Variants in CENPL observed in about 807,000 individuals in gnomAD.
CENPL encodes the protein centromere protein L.
Under a neutral mutation model 35.2 loss-of-function variants are expected in CENPL, and 20 were observed. That is an observed-to-expected ratio of 0.57 (90% confidence interval 0.40 to 0.83). The LOEUF (loss-of-function observed/expected upper bound fraction) is 0.83. Ranked by LOEUF, CENPL falls within the 40% of genes least tolerant of loss-of-function variation. The probability of loss-of-function intolerance (pLI) is 0.00; values close to 1 mark genes in which losing one functional copy is unlikely to be tolerated. For synonymous variants in CENPL, 140 were observed against 140.6 expected, an observed-to-expected ratio of 1.00 and a Z score of 0.03; for missense variants, 363 against 395.8, an observed-to-expected ratio of 0.92 and a Z score of 0.70.
At chr1:173,820,618 A>G (rs915362058) in intron 2 of CENPL, among the ~76,000 whole-genome samples, 3 of 152,212 alleles carry the variant, frequency 2.0e-5, no homozygotes, top group Admixed American at 6.5e-5. Flanking sequence ...TTATTTATTT[A>G]TTTTTAGAAA....
chr1:173,806,443 G>A (rs1001312942), intron 4 of CENPL: 2 of 446,960 alleles, frequency 4.5e-6, no homozygotes, highest in African/African-American at 2.0e-5. Flanking sequence ...ATTTACCCGA[G>A]TGTGGTGGCA....
chr1:173,800,425 T>C lies in CENPL; in HGVS notation c.*23A>G, dbSNP rs1167548073. 2.0e-6 allele frequency: 2 copies of C among 990,710 alleles called. No homozygotes were observed. The highest frequency in any genetic ancestry group is 3.2e-6 in the Non-Finnish European group (2 of 625,008). The allele number at this position is 990,710 out of a possible 1,614,324, so 61.4% of individuals were successfully genotyped here. A position where few individuals can be genotyped will look rare whatever the true frequency, so the allele number is the denominator to read the frequency against. On this transcript the variant is annotated 3_prime_UTR_variant, in exon 6 of 6. Coordinates refer to ENST00000682279, the MANE Select transcript of CENPL (RefSeq NM_001387287.1). ...GTTATCAATAAGAGTATATAATCTA[T>C]AACTTATAGTCCACATAAGGCTTCA... is the stretch of plus-strand genomic sequence containing the variant.
chr1:173,807,260 A>G lies in CENPL; in HGVS notation c.420+7T>C. On this transcript the variant is annotated splice_region_variant and intron_variant, in intron 4 of 5. Coordinates refer to ENST00000682279, the MANE Select transcript of CENPL (RefSeq NM_001387287.1). ...CCTAGGAAGCAAGAACTGTTTATGT[A>G]TTATACCTGGACAAGAAATGCTTCC... 1 of 1,598,744 alleles carries G rather than the reference A, an allele frequency of 6.3e-7. No individual in the cohort carries two copies. Among genetic ancestry groups the G allele is most frequent in the Non-Finnish European group, 8.5e-7 (1 of 1,170,596 alleles).
intron 2 of CENPL, among the ~76,000 whole-genome samples, chr1:173,814,198 C>T (rs946992682): frequency 3.9e-5 from 6 of 152,012 alleles, no homozygotes; most frequent in Non-Finnish European, 8.8e-5. Flanking sequence ...CCTTAGAGAC[C>T]TAGAAAGAGA....
At position 173,803,086 on chromosome 1, in the gene CENPL, A is replaced by C; in HGVS notation, c.840T>G (p.Val280=). Residue 280 remains valine, a synonymous_variant, in exon 5 of 6, where the codon GTT becomes GTG. Coordinates refer to ENST00000682279, the MANE Select transcript of CENPL (RefSeq NM_001387287.1). ...AATAAAGGCAATCCATGAATAGGTCAACTTCTTCCTGGGTAACCTCCCCAG... is the reference window on the plus strand; with the variant it reads ...AATAAAGGCAATCCATGAATAGGTCCACTTCTTCCTGGGTAACCTCCCCAG... ...KTPGEVTQEE[V]DLFMDCLYSH... The C allele has an allele frequency of 6.2e-7, 1 of 1,614,010 alleles. No homozygotes were observed. Among genetic ancestry groups the C allele is most frequent in the Non-Finnish European group, 8.5e-7 (1 of 1,179,836 alleles).
rs1652352357 is a variant in CENPL, at chr1:173,824,494, A to T, written c.-384T>A. 6.6e-6 allele frequency: 1 copy of T among 152,354 alleles called. No homozygotes were observed. The highest frequency in any genetic ancestry group is 2.4e-5 in the African/African-American group (1 of 41,472). 9.4% of individuals were successfully genotyped at this position (152,354 alleles called of 1,614,324 possible). On this transcript the variant is annotated 5_prime_UTR_variant, in exon 1 of 6. It adds an upstream start codon to the 5' untranslated region. Transcript: ENST00000682279. ...AAAATTGCCATTTTAACTGAGGGCA[A>T]GGCCGAGCCACTTAACCACTATCGT... is the stretch of plus-strand genomic sequence containing the variant.
intron 2 of CENPL, among the ~76,000 whole-genome samples, chr1:173,819,869 GT>G (rs79692984): frequency 0.23 from 32,982 of 143,818 alleles, 4,132 homozygotes; most frequent in Middle Eastern, 0.4. Context: ...TTTTTTGTTT[GT>G]TTTTTTTTTT....
At chr1:173,820,308 A>G (rs1651824284) in intron 2 of CENPL, among the ~76,000 whole-genome samples, 1 of 151,962 alleles carries the variant, frequency 6.6e-6, no homozygotes, top group African/African-American at 2.4e-5. Context: ...ACAAAACTCC[A>G]CAAATTAAAC....
At position 173,811,161 on chromosome 1, in the gene CENPL, T is replaced by C; in HGVS notation, c.139A>G (p.Arg47Gly). 6.2e-7 allele frequency: 1 copy of C among 1,613,326 alleles called. No individual in the cohort carries two copies. Among genetic ancestry groups the C allele is most frequent in the Non-Finnish European group, 8.5e-7 (1 of 1,179,344 alleles). ...QSSFILTPPR[R>G]KIPQCSQLQE... The stretch of plus-strand genomic sequence containing the variant: ...AACTGCGAACACTGGGGAATTTTCC[T>C]TCGAGGTGGAGTCAGGATAAATGAA... The change falls in exon 3 of 6, where the codon AGG becomes GGG. Residue 47 changes from arginine to glycine, a missense_variant. By Grantham distance (125) the Arg-to-Gly change is moderately radical. Coordinates refer to ENST00000682279, the MANE Select transcript of CENPL (RefSeq NM_001387287.1).
intron 2 of CENPL, among the ~76,000 whole-genome samples, chr1:173,813,382 C>T (rs1571963660): frequency 6.6e-6 from 1 of 152,166 alleles, no homozygotes; most frequent in East Asian, 1.9e-4. Flanking sequence ...GTCAGATTCA[C>T]CAAGGTTGAA....
intron 2 of CENPL, among the ~76,000 whole-genome samples, chr1:173,811,548 CCTT>C (rs1650827277): frequency 6.6e-6 from 1 of 152,192 alleles, no homozygotes; most frequent in Non-Finnish European, 1.5e-5. Flanking sequence ...TTCTTTTCCT[CCTT>C]CAAAAAGCTA....
In CENPL at chr1:173,824,851, T is replaced by C. The variant is rs1463250273; in HGVS notation, c.-741A>G. On this transcript the variant is annotated 5_prime_UTR_variant, in exon 1 of 6. Transcript: ENST00000682279. Reference sequence around the variant, plus strand: ...GGCCGCGGGAGCCTCTCGAGAAGCGTGGAAAGAGGAGAAGGGCGTATACCT... The same window carrying C: ...GGCCGCGGGAGCCTCTCGAGAAGCGCGGAAAGAGGAGAAGGGCGTATACCT... 1.3e-5 allele frequency: 3 copies of C among 224,726 alleles called. No homozygotes were observed. Among genetic ancestry groups the C allele is most frequent in the Non-Finnish European group, 2.7e-5 (3 of 109,210 alleles). The allele number at this position is 224,726 out of a possible 1,614,324, so 13.9% of individuals were successfully genotyped here.
chr1:173,819,718 C>G (rs1367426036), intron 2 of CENPL, among the ~76,000 whole-genome samples: 1 of 152,056 alleles, frequency 6.6e-6, no homozygotes, highest in Non-Finnish European at 1.5e-5. Context: ...GAGATGGAGT[C>G]TCACTGTTGT....
At chr1:173,814,054 C>A (rs1457150290) in intron 2 of CENPL, among the ~76,000 whole-genome samples, 1 of 151,890 alleles carries the variant, frequency 6.6e-6, no homozygotes, top group Non-Finnish European at 1.5e-5. Context: ...AGACTTTAAA[C>A]CAACAAAGAT....
rs145339933 is a variant in CENPL at position 173,811,101 on chromosome 1, T to C, written c.168+31A>G. The C allele has an allele frequency of 3.7e-5, 59 of 1,586,660 alleles. No homozygotes were observed. The East Asian group carries it at 1.2e-3, about 33-fold the overall frequency. The stretch of plus-strand genomic sequence containing the variant: ...TTTGTTCACAGATATTCTCAATTAT[T>C]GACTAACACAAAGGGACACAAAAAG... On this transcript the variant is annotated intron_variant, in intron 3 of 5. Coordinates refer to ENST00000682279, the MANE Select transcript of CENPL (RefSeq NM_001387287.1).
Position 173,811,279 on chromosome 1 carries a change from T to C in CENPL, c.21A>G (p.Pro7=), listed in dbSNP as rs145812754. The change falls in exon 3 of 6, where the codon CCA becomes CCG. Residue 7 remains proline, a synonymous_variant. Transcript: ENST00000682279. MDSYSA[P]ESTPSASSRP... ...TTGAGGATGCACTAGGAGTTGACTC[T>C]GGTGCACTGTAAGAATCCATGGTCT... The C allele has an allele frequency of 1.9e-4, 305 of 1,609,386 alleles. 1 individual carries two copies. In the African/African-American group the frequency reaches 3.5e-3, roughly 19 times the overall value.
At chr1:173,816,743 C>T (rs1194047316) in intron 2 of CENPL, among the ~76,000 whole-genome samples, 1 of 152,156 alleles carries the variant, frequency 6.6e-6, no homozygotes, top group South Asian at 2.1e-4. Flanking sequence ...AGAAGAAAAC[C>T]GAGGCACTAT....
chr1:173,813,504 C>G (rs1323722327), intron 2 of CENPL, among the ~76,000 whole-genome samples: 3 of 152,158 alleles, frequency 2.0e-5, no homozygotes, highest in African/African-American at 4.8e-5. Context: ...AGCCAGAAGA[C>G]AGTGGGGGCC....
chr1:173,818,003 G>A (rs1010313584), intron 2 of CENPL, among the ~76,000 whole-genome samples: 1 of 152,034 alleles, frequency 6.6e-6, no homozygotes, highest in Non-Finnish European at 1.5e-5. Flanking sequence ...GGGGCCTGTC[G>A]AGGGGTCAGT....
Sources: gnomAD v4.1 joint callset for allele counts (sites outside exome capture counted in the v4.1 genomes callset) on GRCh38, gnomAD v4.1.1 for gene constraint, MANE v1.5 for transcripts, NCBI Gene and HGNC (gene_info 2026-07-23, HGNC 2026-07-21) for gene names.